The following PLCG2 variants were observed in gnomAD, a reference collection of about 807,000 sequenced individuals.
The protein encoded by PLCG2 is phospholipase C gamma 2, also known as 1-phosphatidylinositol 4,5-bisphosphate phosphodiesterase gamma-2.
A neutral mutation model predicts 175.6 loss-of-function variants in PLCG2; 69 were observed. That is an observed-to-expected ratio of 0.39 (90% confidence interval 0.32 to 0.48). The LOEUF is 0.48. Among genes scored for constraint, PLCG2 ranks in the 20% least tolerant of loss-of-function variants. The probability of loss-of-function intolerance (pLI) is 0.91; values close to 1 mark genes in which losing one functional copy is unlikely to be tolerated. For missense variants in PLCG2, 1,798 were observed against 1,650.9 expected, an observed-to-expected ratio of 1.09 and a Z score of -1.54; for synonymous variants, 827 against 624.0, an observed-to-expected ratio of 1.33 and a Z score of -4.85.
rs1476399695 is a variant in PLCG2, at chr16:81,923,528, G to A, written c.2351G>A (p.Arg784Gln). The A allele has an allele frequency of 3.1e-6, 5 of 1,613,734 alleles. No homozygotes were observed. The highest frequency in any genetic ancestry group is 3.3e-5 in the Admixed American group (2 of 60,006). ...VKALYDYKAK[R>Q]SDELSFCRGA... is the part of the protein sequence containing the mutation. ...GCTCTGTATGACTACAAAGCCAAGC[G>A]AAGCGATGAGCTGAGCTTCTGCCGT... Residue 784 changes from arginine (R) to glutamine (Q), a missense_variant, in exon 22 of 33, where the codon CGA (arginine) becomes CAA (glutamine). Coordinates refer to ENST00000564138, the MANE Select transcript of PLCG2 (RefSeq NM_002661.5).
intron 2 of PLCG2, among the ~76,000 whole-genome samples, chr16:81,802,578 T>C (rs1248718802): frequency 1.3e-5 from 2 of 152,120 alleles, no homozygotes; most frequent in Non-Finnish European, 2.9e-5. Context: ...TTTTTTGTTT[T>C]TGTTTTGAGA....
At chr16:81,858,058 C>G (rs1044478893) in intron 3 of PLCG2, 9 of 553,878 alleles carry the variant, frequency 1.6e-5, no homozygotes, top group Non-Finnish European at 2.6e-5. Context: ...GTACAAAGCT[C>G]ATCATGAATG....
chr16:81,955,540 A>G (rs570691272), intron 31 of PLCG2, among the ~76,000 whole-genome samples: 9 of 152,228 alleles, frequency 5.9e-5, no homozygotes, highest in African/African-American at 1.9e-4. Context: ...GTAATGGACT[A>G]TTTTGGTTCC....
chr16:81,861,602 A>T (rs1288631256), intron 5 of PLCG2, among the ~76,000 whole-genome samples: 2 of 152,144 alleles, frequency 1.3e-5, no homozygotes, highest in African/African-American at 4.8e-5. Flanking sequence ...AGGTGGATCA[A>T]ATGAGGTGCT....
chr16:81,924,703 C>G (rs1274876654), intron 22 of PLCG2, among the ~76,000 whole-genome samples: 1 of 152,242 alleles, frequency 6.6e-6, no homozygotes, highest in African/African-American at 2.4e-5. Context: ...CAATTCATAC[C>G]TAGATTCCAC....
At chr16:81,778,043 C>CAAACA (rs1910507100), upstream of PLCG2, among the ~76,000 whole-genome samples, 1 of 59,858 alleles carries the variant, frequency 1.7e-5, no homozygotes, top group Non-Finnish European at 3.2e-5. Context: ...AAAAAAAAAA[C>CAAACA]AAAAAAAAAA....
chr16:81,891,361 A>G (rs1908622464), intron 10 of PLCG2, 111 bp from the exon 11 acceptor site: 2 of 720,992 alleles, frequency 2.8e-6, no homozygotes, highest in Non-Finnish European at 5.1e-6. Flanking sequence ...CCGCCTGTTG[A>G]TTTCCCGCAT....
chr16:81,912,459 C>G, intron 18 of PLCG2, 138 bp from the exon 19 acceptor site: 1 of 1,006,900 alleles, frequency 9.9e-7, no homozygotes, highest in African/African-American at 1.6e-5. Context: ...TCTGGGGAAG[C>G]CCACTGTGTG....
At chr16:81,940,355 G>A (rs975497780) in intron 30 of PLCG2, among the ~76,000 whole-genome samples, 5 of 152,096 alleles carry the variant, frequency 3.3e-5, no homozygotes, top group Non-Finnish European at 5.9e-5. Context: ...TATTACATGC[G>A]GTTTGCTTCT....
chr16:81,874,951 T>G (rs972499363), intron 7 of PLCG2, among the ~76,000 whole-genome samples: 2 of 108,508 alleles, frequency 1.8e-5, no homozygotes, highest in African/African-American at 7.0e-5. Flanking sequence ...CCTATGTGTT[T>G]TTTTTTTTTT....
chr16:81,936,018 A>T (rs116793333), intron 26 of PLCG2, 151 bp from the exon 27 acceptor site: 1 of 1,448,406 alleles, frequency 6.9e-7, no homozygotes. Context: ...AGTGATACCA[A>T]TTGGGACAAT....
At chr16:81,947,214 T>G (rs115741964) in intron 31 of PLCG2, among the ~76,000 whole-genome samples, 2,410 of 152,290 alleles carry the variant, frequency 0.016, 59 homozygotes, top group African/African-American at 0.055. Context: ...TGATGCAGAT[T>G]TGACTTCCTT....
At chr16:81,923,615 G>T in intron 22 of PLCG2, 21 bp downstream of exon 22, 1 of 1,455,080 alleles carries the variant, frequency 6.9e-7, no homozygotes, top group Non-Finnish European at 9.6e-7. Flanking sequence ...GTGGAGGCTG[G>T]GCTGCTCGGC....
At chr16:81,875,946 G>GGGGTGCAGTGGTACAATCA (rs1907760798) in intron 7 of PLCG2, among the ~76,000 whole-genome samples, 1 of 151,808 alleles carries the variant, frequency 6.6e-6, no homozygotes, top group Admixed American at 6.6e-5. Flanking sequence ...CTTATTGTCA[G>GGGGTGCAGTGGTACAATCA]TGGCTGGCAA....
chr16:81,956,106 T>C (rs558849285), intron 31 of PLCG2, among the ~76,000 whole-genome samples: 1 of 152,238 alleles, frequency 6.6e-6, no homozygotes, highest in Non-Finnish European at 1.5e-5. Context: ...ACTTTGTCTC[T>C]GTGATTTTGC....
rs536985808 is a variant in PLCG2, at chr16:81,838,813, A to G, written c.194-15631A>G. On this transcript the variant is annotated intron_variant, in intron 2 of 32. Transcript: ENST00000564138. Reference sequence around the variant, plus strand: ...TATATATATATATATATATATGTAAATAACATAGATGTGGTAAAATGCACA... The same window carrying G: ...TATATATATATATATATATATGTAAGTAACATAGATGTGGTAAAATGCACA... 4.5e-4 allele frequency among the ~76,000 whole-genome samples: 67 copies of G among 147,858 alleles called. No homozygotes were observed. In the Middle Eastern group the frequency reaches 0.015, roughly 32 times the overall value.
chr16:81,863,498 C>G (rs569495618), intron 5 of PLCG2, among the ~76,000 whole-genome samples: 90 of 152,312 alleles, frequency 5.9e-4, no homozygotes, highest in African/African-American at 1.9e-3. Context: ...GTGAATAGTG[C>G]TGCTGCGAAC....
chr16:81,904,107 T>C (rs1016702191), intron 14 of PLCG2, among the ~76,000 whole-genome samples: 4 of 152,158 alleles, frequency 2.6e-5, no homozygotes, highest in Admixed American at 1.3e-4. Context: ...GCTGAGGAAA[T>C]TATTCAAGGC....
chr16:81,900,894 C>G, intron 14 of PLCG2, 114 bp downstream of exon 14: 1 of 869,978 alleles, frequency 1.1e-6, no homozygotes, highest in South Asian at 1.7e-5. Flanking sequence ...CCAGGTCCCA[C>G]TGCACAGGCT....
Sources: gnomAD v4.1 joint callset for allele counts (sites outside exome capture counted in the v4.1 genomes callset) on GRCh38, gnomAD v4.1.1 for gene constraint, MANE v1.5 for transcripts, NCBI Gene and HGNC (gene_info 2026-07-23, HGNC 2026-07-21) for gene names.